Variants in ARFGAP1 observed in about 807,000 individuals in gnomAD.
ARFGAP1 encodes the protein ARF GTPase activating protein 1, also known as ADP-ribosylation factor GTPase-activating protein 1.
A neutral mutation model predicts 54.0 loss-of-function variants in ARFGAP1; 26 were observed. The ratio of observed to expected loss-of-function variants is 0.48; its 90% confidence interval spans 0.35 to 0.67. ARFGAP1 has a LOEUF of 0.67. Ranked by LOEUF, ARFGAP1 falls within the 30% of genes least tolerant of loss-of-function variation. The pLI, the probability that ARFGAP1 is intolerant of heterozygous loss-of-function variation, is 0.00. For missense variants in ARFGAP1, 525 were observed against 535.8 expected, an observed-to-expected ratio of 0.98 and a Z score of 0.20; for synonymous variants, 248 against 211.9, an observed-to-expected ratio of 1.17 and a Z score of -1.48.
intron 7 of ARFGAP1, among the ~76,000 whole-genome samples, chr20:63,280,096 A>G (rs996887670): frequency 9.2e-5 from 14 of 152,168 alleles, no homozygotes; most frequent in African/African-American, 2.9e-4. Flanking sequence ...GAGCCGAGAC[A>G]GCACCATTGC....
At chr20:63,283,313 C>A (rs945142412) in intron 9 of ARFGAP1, 7 of 200,962 alleles carry the variant, frequency 3.5e-5, no homozygotes, top group Non-Finnish European at 7.0e-5. Flanking sequence ...CAGGCCTTTG[C>A]ATGTTTTTTA....
At chr20:63,278,349 T>C (rs2067286424) in intron 6 of ARFGAP1, 146 bp downstream of exon 6, 1 of 751,002 alleles carries the variant, frequency 1.3e-6, no homozygotes. Flanking sequence ...TTGCAGTGAG[T>C]CCCAGCCAGC....
chr20:63,285,916 A>G, intron 11 of ARFGAP1: 2 of 1,470,084 alleles, frequency 1.4e-6, no homozygotes, highest in South Asian at 2.7e-5. Flanking sequence ...CCGGTCAGCC[A>G]CTAACTGTCA....
rs3787135 is a variant in ARFGAP1, at chr20:63,280,005, G to A, written c.627+1010G>A. Among the ~76,000 whole-genome samples, 839 of 152,308 alleles carry A rather than the reference G, an allele frequency of 5.5e-3. 35 individuals are homozygous for A. In the East Asian group the frequency reaches 0.12, roughly 22 times the overall value. On this transcript the variant is annotated intron_variant, in intron 7 of 12. Coordinates refer to ENST00000370283, the MANE Select transcript of ARFGAP1 (RefSeq NM_018209.4). ...AAAATATAAAAATTAGCCAGGCGGGGTGGCATGTGCCTTGTAGCCCCAGCT... is the reference window on the plus strand; with the variant it reads ...AAAATATAAAAATTAGCCAGGCGGGATGGCATGTGCCTTGTAGCCCCAGCT...
Position 63,288,677 on chromosome 20 carries a change from G to A in ARFGAP1, c.*804G>A. 2.7e-6 allele frequency: 1 copy of A among 373,446 alleles called. No homozygotes were observed. Among genetic ancestry groups the A allele is most frequent in the South Asian group, 1.9e-5 (1 of 51,994 alleles). The allele number at this position is 373,446 out of a possible 1,614,324, so 23.1% of individuals were successfully genotyped here. ...GGCCAGGCAGGAGGGGCCGGGTTCAGGAGCTGAGCAGGGGATGCCTGTGCG... is the reference window on the plus strand; with the variant it reads ...GGCCAGGCAGGAGGGGCCGGGTTCAAGAGCTGAGCAGGGGATGCCTGTGCG... On this transcript the variant is annotated 3_prime_UTR_variant, in exon 13 of 13. Coordinates refer to ENST00000370283, the MANE Select transcript of ARFGAP1 (RefSeq NM_018209.4).
intron 1 of ARFGAP1, chr20:63,274,100 T>C (rs2123194143): frequency 6.6e-6 from 1 of 152,320 alleles, no homozygotes; most frequent in Non-Finnish European, 1.5e-5. Flanking sequence ...TTCAGATGTC[T>C]GCCTCATGAT....
intron 8 of ARFGAP1, among the ~76,000 whole-genome samples, chr20:63,282,366 C>T (rs540560014): frequency 1.3e-5 from 2 of 152,380 alleles, no homozygotes; most frequent in East Asian, 3.9e-4. Flanking sequence ...TCCCCCCGAG[C>T]TTTAAAGTGA....
At position 63,283,843 on chromosome 20, in the gene ARFGAP1, G is replaced by A. The variant is rs199847619; in HGVS notation, c.717+992G>A. The stretch of plus-strand genomic sequence containing the variant: ...TCTCCTCACCTGTCTTCTTGCTGTC[G>A]GGTAAAGTTTTGGGGTCACAAGCAG... On this transcript the variant is annotated intron_variant, in intron 9 of 12. Transcript: ENST00000370283. 1.1e-4 allele frequency: 183 copies of A among 1,613,556 alleles called. 1 individual carries two copies. The highest frequency in any genetic ancestry group is 1.0e-3 in the East Asian group (46 of 44,850).
intron 7 of ARFGAP1, 40 bp downstream of exon 7, chr20:63,279,035 C>A (rs1196313375): frequency 6.9e-6 from 11 of 1,601,610 alleles, no homozygotes; most frequent in Non-Finnish European, 9.4e-6. Flanking sequence ...CATGGGCAGA[C>A]CCCGCCCTGA....
intron 9 of ARFGAP1, chr20:63,283,866 C>T (rs761069774): frequency 6.2e-7 from 1 of 1,613,748 alleles, no homozygotes; most frequent in South Asian, 1.1e-5. Flanking sequence ...GGGTCACAAG[C>T]AGCAGCCGGA....
intron 1 of ARFGAP1, among the ~76,000 whole-genome samples, chr20:63,274,423 CTG>C (rs995630540): frequency 6.7e-6 from 1 of 149,152 alleles, no homozygotes; most frequent in African/African-American, 2.5e-5. Flanking sequence ...TCTGCCTACA[CTG>C]TGAATAGGAA....
intron 10 of ARFGAP1, 89 bp downstream of exon 10, chr20:63,285,011 A>G: frequency 6.7e-7 from 1 of 1,494,910 alleles, no homozygotes; most frequent in East Asian, 2.4e-5. Context: ...TTGTTTGTCC[A>G]GCAGCTGGGA....
Position 63,275,651 on chromosome 20 carries a change from G to GC in ARFGAP1, c.60+17dup, listed in dbSNP as rs752338529. 8 of 1,613,264 alleles carry GC rather than the reference G, an allele frequency of 5.0e-6. No homozygotes were observed. The highest frequency in any genetic ancestry group is 2.2e-5 in the South Asian group (2 of 91,062). On this transcript the variant is annotated intron_variant, in intron 2 of 12. Transcript: ENST00000370283. ...CAGGATGAGAACAACGTAAGCCTCTGCCCCCCACCCCCCGCCCTAAGGCTT... is the reference window on the plus strand; with the variant it reads ...CAGGATGAGAACAACGTAAGCCTCTGCCCCCCCACCCCCCGCCCTAAGGCTT...
Position 63,276,670 on chromosome 20 carries a change from C to T in ARFGAP1, c.342+19C>T. The T allele has an allele frequency of 6.3e-7, 1 of 1,586,436 alleles. No homozygotes were observed. Among genetic ancestry groups the T allele is most frequent in the Non-Finnish European group, 8.6e-7 (1 of 1,164,278 alleles). On this transcript the variant is annotated intron_variant, in intron 4 of 12. Coordinates refer to ENST00000370283, the MANE Select transcript of ARFGAP1 (RefSeq NM_018209.4). This position sits in a 1 kb window ranked among gnomAD's most constrained non-coding sequence, Gnocchi z 5.2. ...GGATAAGGTAGAGATGGGCCCGATT[C>T]ACTCTTGCCCATGGTGTGGGGCTGC...
At position 63,281,296 on chromosome 20, in the gene ARFGAP1, G is replaced by T; in HGVS notation, c.633G>T (p.Trp211Cys). The stretch of plus-strand genomic sequence containing the variant: ...CTCTTTGTCGCCTCCCTCAGGGCTG[G>T]AGCAGCTTCACCACTGGAGCCAGCC... Reference protein sequence around the residue: ...NNAMSSLYSGWSSFTTGASRF... With the variant: ...NNAMSSLYSGCSSFTTGASRF... The change falls in exon 8 of 13, where the codon TGG (tryptophan) becomes TGT (cysteine). Residue 211 changes from tryptophan to cysteine, a missense_variant. Around this residue, in one of 3 missense-constraint regions of ARFGAP1, gnomAD observed 466 missense variants for 453.6 expected, o/e 1.03. Transcript: ENST00000370283. 1 of 1,601,658 alleles carries T rather than the reference G, an allele frequency of 6.2e-7. No homozygotes were observed. Among genetic ancestry groups the T allele is most frequent in the East Asian group, 2.2e-5 (1 of 44,678 alleles).
In ARFGAP1 at chr20:63,277,142, A is replaced by T; in HGVS notation, c.343-63A>T. 3 of 1,455,832 alleles carry T rather than the reference A, an allele frequency of 2.1e-6. No individual in the cohort carries two copies. The South Asian group carries it at 3.5e-5, about 17-fold the overall frequency. 90.2% of individuals were successfully genotyped at this position (1,455,832 alleles called of 1,614,324 possible). ...GGCCGTGGGGGGTGCGCTGGAGTCG[A>T]CGGTGCCCGAGGGCATCGCCAGGCG... On this transcript the variant is annotated intron_variant, in intron 4 of 12. Coordinates refer to ENST00000370283, the MANE Select transcript of ARFGAP1 (RefSeq NM_018209.4).
At position 63,278,673 on chromosome 20, in the gene ARFGAP1, T is replaced by G. The variant is rs2067296412; in HGVS notation, c.531-226T>G. On this transcript the variant is annotated intron_variant, in intron 6 of 12. Coordinates refer to ENST00000370283, the MANE Select transcript of ARFGAP1 (RefSeq NM_018209.4). Reference sequence around the variant, plus strand: ...TTCTTCTAGTACTTCTGTGGCTGGCTTTGGGGACTTGCTGGGGACCCTGTG... The same window carrying G: ...TTCTTCTAGTACTTCTGTGGCTGGCGTTGGGGACTTGCTGGGGACCCTGTG... 1.3e-5 allele frequency: 7 copies of G among 559,674 alleles called. No homozygotes were observed. In the South Asian group the frequency reaches 1.6e-4, roughly 13 times the overall value. The allele number at this position is 559,674 out of a possible 1,614,324, so 34.7% of individuals were successfully genotyped here.
chr20:63,289,344 T>G lies in ARFGAP1; in HGVS notation c.*1471T>G, dbSNP rs2123342900. ...GAGTGTCTTTCTCCAAGCTGAGACG[T>G]GGGCGGCCGCGTGGTATCTCCCGAG... On this transcript the variant is annotated 3_prime_UTR_variant, in exon 13 of 13. Transcript: ENST00000370283. The G allele has an allele frequency of 6.6e-6, 1 of 152,024 alleles. No homozygotes were observed. The highest frequency in any genetic ancestry group is 2.4e-5 in the African/African-American group (1 of 41,410). 9.4% of individuals were successfully genotyped at this position (152,024 alleles called of 1,614,324 possible).
chr20:63,286,195 A>T, intron 11 of ARFGAP1, 171 bp from the exon 12 acceptor site: 1 of 1,549,428 alleles, frequency 6.5e-7, no homozygotes, highest in Non-Finnish European at 8.7e-7. Flanking sequence ...GCACCGCTGC[A>T]GAGTGGCCGG....
Sources: gnomAD v4.1 joint callset for allele counts (sites outside exome capture counted in the v4.1 genomes callset) on GRCh38, gnomAD v4.1.1 for gene constraint, gnomAD v4.1.1 regional missense constraint, Gnocchi (gnomAD v3.1) non-coding constraint, MANE v1.5 for transcripts, NCBI Gene and HGNC (gene_info 2026-07-23, HGNC 2026-07-21) for gene names.